Variants in TTC29 observed in about 807,000 individuals in gnomAD.
TTC29 encodes the protein tetratricopeptide repeat domain 29.
In TTC29, 49 loss-of-function variants were observed where a neutral mutation model predicts 58.1. The observed-to-expected ratio is 0.84, with a 90% confidence interval of 0.67 to 1.07. The LOEUF (loss-of-function observed/expected upper bound fraction) is 1.07. Among genes scored for constraint, TTC29 ranks in the 50% least tolerant of loss-of-function variants. The pLI is 0.00. For synonymous variants in TTC29, 209 were observed against 196.8 expected (o/e 1.06, Z -0.52); for missense variants, 582 against 555.6 (o/e 1.05, Z -0.48).
chr4:146,926,919 A>AGT (rs1734972534), intron 4 of TTC29, among the ~76,000 whole-genome samples: 1 of 151,986 alleles, frequency 6.6e-6, no homozygotes, highest in South Asian at 2.1e-4. Context: ...ATTCCTTATG[A>AGT]CAACCCACAT....
intron 2 of TTC29, among the ~76,000 whole-genome samples, chr4:146,943,441 A>G (rs886302529): frequency 5.3e-5 from 8 of 152,062 alleles, no homozygotes; most frequent in Non-Finnish European, 1.0e-4. Context: ...GAAAAAAAAA[A>G]GCATGTTGGA....
At chr4:146,904,528 G>T (rs1287083482) in intron 5 of TTC29, among the ~76,000 whole-genome samples, 1 of 152,082 alleles carries the variant, frequency 6.6e-6, no homozygotes. Context: ...AAACCTGAAC[G>T]AATATGTCTG....
chr4:146,753,189 TCAAA>T (rs1579595152), intron 11 of TTC29, among the ~76,000 whole-genome samples: 2 of 151,864 alleles, frequency 1.3e-5, no homozygotes, highest in South Asian at 4.1e-4. Flanking sequence ...TACAATGAAC[TCAAA>T]CAAATTTACA....
rs553539942 is a variant in TTC29, at chr4:146,907,201, ATAT to A, written c.400+1822_400+1824del. Among the ~76,000 whole-genome samples the A allele has an allele frequency of 4.8e-3, 730 of 152,298 alleles. 5 individuals carry two copies. Among genetic ancestry groups the A allele is most frequent in the African/African-American group, 0.017 (686 of 41,572 alleles). On this transcript the variant is annotated intron_variant, in intron 5 of 12. Transcript: ENST00000325106. ...ACTTATAGTAACTTTCCTTTAAGAA[ATAT>A]TATATATTAAAATGTTTTCTACCCT...
At chr4:146,775,327 A>G (rs1748010024) in intron 11 of TTC29, among the ~76,000 whole-genome samples, 1 of 151,966 alleles carries the variant, frequency 6.6e-6, no homozygotes, top group Non-Finnish European at 1.5e-5. Context: ...TGATTGTGTG[A>G]TTGCTTTATA....
chr4:146,728,876 T>C (rs1318379194), intron 11 of TTC29, among the ~76,000 whole-genome samples: 7 of 36,132 alleles, frequency 1.9e-4, no homozygotes, highest in Non-Finnish European at 4.6e-4. Flanking sequence ...TATGTGTGTG[T>C]ATATATATAT....
At chr4:146,713,324 G>C (rs1255840218) in intron 11 of TTC29, among the ~76,000 whole-genome samples, 1 of 149,462 alleles carries the variant, frequency 6.7e-6, no homozygotes, top group Non-Finnish European at 1.5e-5. Context: ...CTATAATATT[G>C]GTTTGTCATT....
intron 6 of TTC29, among the ~76,000 whole-genome samples, chr4:146,892,646 C>T (rs934751406): frequency 6.6e-6 from 1 of 152,186 alleles, no homozygotes; most frequent in African/African-American, 2.4e-5. Context: ...CCCTCTCTCA[C>T]CACTCCTATT....
chr4:146,883,033 A>T (rs1221854902), intron 6 of TTC29, among the ~76,000 whole-genome samples: 1 of 151,962 alleles, frequency 6.6e-6, no homozygotes, highest in African/African-American at 2.4e-5. Flanking sequence ...TATTTTTGAG[A>T]TGAGGAAACT....
intron 8 of TTC29, among the ~76,000 whole-genome samples, chr4:146,848,960 C>T (rs996413387): frequency 3.9e-5 from 6 of 152,208 alleles, no homozygotes; most frequent in African/African-American, 1.4e-4. Context: ...AGGTGCATCC[C>T]AGCCTGGGGA....
intron 8 of TTC29, among the ~76,000 whole-genome samples, chr4:146,846,261 C>A (rs968295634): frequency 1.3e-5 from 2 of 152,088 alleles, no homozygotes; most frequent in African/African-American, 4.8e-5. Flanking sequence ...GACACAAGAA[C>A]CCCCTATCTA....
chr4:146,909,051 G>C lies in TTC29; in HGVS notation c.375C>G (p.Thr125=), dbSNP rs1186987694. ...DKLDYLYHYL[T]RAEDAERKES... is the part of the protein sequence containing the mutation. ...CTTTCCTCTCAGCGTCCTCAGCCCT[G>C]GTCAGGTAATGGTACAGGTAATCCA... Residue 125 remains threonine, a synonymous_variant, in exon 5 of 13, where the codon ACC becomes ACG. Transcript: ENST00000325106. 1.2e-6 allele frequency: 2 copies of C among 1,613,842 alleles called. No homozygotes were observed. Among genetic ancestry groups the C allele is most frequent in the Non-Finnish European group, 1.7e-6 (2 of 1,179,840 alleles).
chr4:146,777,599 C>T (rs1025525774), intron 11 of TTC29, among the ~76,000 whole-genome samples: 14 of 152,184 alleles, frequency 9.2e-5, no homozygotes, highest in Admixed American at 2.6e-4. Context: ...CCAGTCCTTT[C>T]TTCTCCAGCT....
chr4:146,838,716 C>T (rs535369122), intron 8 of TTC29, among the ~76,000 whole-genome samples: 1 of 151,814 alleles, frequency 6.6e-6, no homozygotes, highest in African/African-American at 2.4e-5. Context: ...AAATGTAGAT[C>T]GAAAATACAG....
At chr4:146,870,163 G>C (rs1280305755) in intron 7 of TTC29, among the ~76,000 whole-genome samples, 4 of 152,054 alleles carry the variant, frequency 2.6e-5, no homozygotes, top group African/African-American at 7.2e-5. Context: ...CCATTGAAAA[G>C]GTGGTATTCA....
At chr4:146,727,301 G>T (rs1743866371) in intron 11 of TTC29, among the ~76,000 whole-genome samples, 1 of 152,046 alleles carries the variant, frequency 6.6e-6, no homozygotes, top group Non-Finnish European at 1.5e-5. Context: ...TTTGACATCT[G>T]GCACGAGAGT....
At chr4:146,912,132 T>C in intron 4 of TTC29, among the ~76,000 whole-genome samples, 1 of 152,122 alleles carries the variant, frequency 6.6e-6, no homozygotes, top group Non-Finnish European at 1.5e-5. Flanking sequence ...AAAAATCTCA[T>C]AGCCTTTTTA....
chr4:146,765,540 A>G (rs1314940144), intron 11 of TTC29, among the ~76,000 whole-genome samples: 2 of 152,010 alleles, frequency 1.3e-5, no homozygotes, highest in African/African-American at 4.8e-5. Flanking sequence ...TGGAACTAAA[A>G]CCCTAATTTT....
intron 8 of TTC29, among the ~76,000 whole-genome samples, chr4:146,840,252 G>A (rs1025231193): frequency 2.7e-5 from 4 of 150,214 alleles, no homozygotes; most frequent in Non-Finnish European, 5.9e-5. Context: ...TCACATAAGC[G>A]TGGAAGAGAT....
Sources: allele counts gnomAD v4.1 joint callset (sites outside exome capture counted in the v4.1 genomes callset), GRCh38; gene constraint gnomAD v4.1.1; transcripts MANE v1.5; gene names NCBI Gene and HGNC (gene_info 2026-07-23, HGNC 2026-07-21).